MCAM: variants seen among roughly 807,000 people sequenced by gnomAD.
The protein encoded by MCAM is melanoma cell adhesion molecule, also known as cell surface glycoprotein MUC18.
A neutral mutation model predicts 79.1 loss-of-function variants in MCAM; 55 were observed. The ratio of observed to expected loss-of-function variants is 0.70; its 90% CI spans 0.56 to 0.87. MCAM has a LOEUF of 0.87. Among genes scored for constraint, MCAM ranks in the 40% least tolerant of loss-of-function variants. The pLI, the probability that MCAM is intolerant of heterozygous loss-of-function variation, is 0.00. For synonymous variants in MCAM, 330 were observed against 339.8 expected, an observed-to-expected ratio of 0.97 and a Z score of 0.32; for missense variants, 745 against 839.8, an observed-to-expected ratio of 0.89 and a Z score of 1.40.
chr11:119,312,869 T>C lies in MCAM; in HGVS notation c.640A>G (p.Lys214Glu). The C allele has an allele frequency of 1.2e-6, 2 of 1,614,220 alleles. No homozygotes were observed. Among genetic ancestry groups the C allele is most frequent in the East Asian group, 2.2e-5 (1 of 44,876 alleles). ...TAAAACTGGGCATCTTTGTCTTCTT[T>C]AACCAGCTGTGCCTTCAGAATACTC... is the stretch of plus-strand genomic sequence containing the variant. ...LQSILKAQLV[K>E]EDKDAQFYCE... The change falls in exon 6 of 16, where the codon AAA (lysine) becomes GAA (glutamate). Residue 214 changes from lysine (K) to glutamate (E), a missense_variant. By Grantham distance (56) the Lys-to-Glu change is moderately conservative (BLOSUM62 1). Transcript: ENST00000264036. This position sits in a 1 kb window ranked among gnomAD's most constrained non-coding sequence, Gnocchi z 4.9.
chr11:119,314,853 C>A lies in MCAM; in HGVS notation c.380G>T (p.Arg127Leu), dbSNP rs147390678. The A allele has an allele frequency of 6.2e-6, 10 of 1,613,552 alleles. No individual in the cohort carries two copies. Among genetic ancestry groups the A allele is most frequent in the Non-Finnish European group, 6.8e-6 (8 of 1,180,016 alleles). The change falls in exon 3 of 16, where the codon CGC (arginine) becomes CTC (leucine). Residue 127 changes from arginine (R) to leucine (L), a missense_variant. Physicochemically the swap from Arg to Leu is moderately radical, Grantham distance 102. Coordinates refer to ENST00000264036, the MANE Select transcript of MCAM (RefSeq NM_006500.3). ...QGKRPRSQEY[R>L]IQLRVYKAPE... ...CGCACTGTAGACGCGGAGCTGGATG[C>A]GGTACTCCTGGGACCGAGGGCGCTT... is the stretch of plus-strand genomic sequence containing the variant.
chr11:119,309,982 GA>G, intron 15 of MCAM, 67 bp from the exon 16 acceptor site: 1 of 1,307,814 alleles, frequency 7.6e-7, no homozygotes, highest in Non-Finnish European at 1.1e-6. Flanking sequence ...TGAGCACCGA[GA>G]GGAAGGAGAG....
Position 119,311,429 on chromosome 11 carries a change from G to T in MCAM, c.1408-8C>A. ...TTGGTCTTGTTCACTTGCCTGCGAG[G>T]AAAGGAAGGAGGCAGCTCAGGGGAT... On this transcript the variant is annotated splice_region_variant and splice_polypyrimidine_tract_variant and intron_variant, in intron 11 of 15. Transcript: ENST00000264036. This position sits in a 1 kb window ranked among gnomAD's most constrained non-coding sequence, Gnocchi z 4.4. 6.2e-7 allele frequency: 1 copy of T among 1,614,056 alleles called. No individual in the cohort carries two copies. The highest frequency in any genetic ancestry group is 1.3e-5 in the African/African-American group (1 of 75,030).
chr11:119,317,096 C>A lies in MCAM; in HGVS notation c.6G>T (p.Gly2=). Residue 2 remains glycine, a synonymous_variant, in exon 1 of 16, where the codon GGG becomes GGT. Coordinates refer to ENST00000264036, the MANE Select transcript of MCAM (RefSeq NM_006500.3). This position sits in a 1 kb window ranked among gnomAD's most constrained non-coding sequence, Gnocchi z 6.2. M[G]LPRLVCAFLL... Reference sequence around the variant, plus strand: ...AGAAGGCGCAGACCAGCCTGGGAAGCCCCATGCTTCCCGGCCGGAGGGCGA... The same window carrying A: ...AGAAGGCGCAGACCAGCCTGGGAAGACCCATGCTTCCCGGCCGGAGGGCGA... 6.5e-7 allele frequency: 1 copy of A among 1,527,418 alleles called. No individual in the cohort carries two copies. Among genetic ancestry groups the A allele is most frequent in the East Asian group, 2.6e-5 (1 of 39,112 alleles). 94.6% of individuals were successfully genotyped at this position (1,527,418 alleles called of 1,614,324 possible).
intron 15 of MCAM, 170 bp downstream of exon 15, chr11:119,310,179 C>T (rs1439541432): frequency 4.6e-6 from 3 of 649,766 alleles, no homozygotes; most frequent in Non-Finnish European, 8.1e-6. Flanking sequence ...CTCCAAGCTC[C>T]CTCAGCCACT....
At position 119,311,262 on chromosome 11, in the gene MCAM, C is replaced by A; in HGVS notation, c.1549+18G>T. 2 of 1,614,020 alleles carry A rather than the reference C, an allele frequency of 1.2e-6. No homozygotes were observed. Among genetic ancestry groups the A allele is most frequent in the Non-Finnish European group, 1.7e-6 (2 of 1,179,876 alleles). On this transcript the variant is annotated intron_variant, in intron 12 of 15. Transcript: ENST00000264036. This position sits in a 1 kb window ranked among gnomAD's most constrained non-coding sequence, Gnocchi z 4.4. ...CTGGGCCTGCCCCTGCCATCCCCTG[C>A]AGGGATGCAGCCCTCACCCAGCTCC...
In MCAM at chr11:119,311,090, C is replaced by A. The variant is rs1196861345; in HGVS notation, c.1645G>T (p.Glu549Ter). The change falls in exon 13 of 16, where the codon GAG (glutamate) becomes TAG (stop). Residue 549 changes from glutamate (E) to a stop codon, truncating the protein, a stop_gained and splice_region_variant. Coordinates refer to ENST00000264036, the MANE Select transcript of MCAM (RefSeq NM_006500.3). LOFTEE classifies it high-confidence loss of function. The surrounding 1 kb of genome is among the most constrained non-coding windows in gnomAD (Gnocchi z 4.4). ...TGTTCTCTTGCCAGGCCTGGCTTAC[C>A]TGTGGAGGTGCTGTTGGCTCTGGTA... ...PHTRANSTSTERKLPEPESRG... is the reference protein window; with the variant it reads ...PHTRANSTST The A allele has an allele frequency of 1.2e-6, 2 of 1,614,114 alleles. No individual in the cohort carries two copies. The highest frequency in any genetic ancestry group is 1.7e-6 in the Non-Finnish European group (2 of 1,180,052).
rs537622832 is a variant in MCAM at position 119,314,962 on chromosome 11, G to C, written c.271C>G (p.Arg91Gly). 2.5e-5 allele frequency: 41 copies of C among 1,612,088 alleles called. No individual in the cohort carries two copies. The South Asian group carries it at 4.4e-4, about 17-fold the overall frequency. The change falls in exon 3 of 16, where the codon CGG (arginine) becomes GGG (glycine). Residue 91 changes from arginine (R) to glycine (G), a missense_variant. By Grantham distance (125) the Arg-to-Gly change is moderately radical. Coordinates refer to ENST00000264036, the MANE Select transcript of MCAM (RefSeq NM_006500.3). Reference protein sequence around the residue: ...GQSEPGEYEQRLSLQDRGATL... With the variant: ...GQSEPGEYEQGLSLQDRGATL... ...GCCCCTCTGTCCTGGAGGCTGAGCC[G>C]CTGCTCGTACTCCCCAGGTTCGCTC...
At position 119,309,624 on chromosome 11, in the gene MCAM, C is replaced by A; in HGVS notation, c.*262G>T. 1.8e-6 allele frequency: 1 copy of A among 541,900 alleles called. No homozygotes were observed. The allele number at this position is 541,900 out of a possible 1,614,324, so 33.6% of individuals were successfully genotyped here. On this transcript the variant is annotated 3_prime_UTR_variant, in exon 16 of 16. Transcript: ENST00000264036. ...ACGTTCTGCAAGAAACTCTCCTACC[C>A]GCTCGGGAGACTGGGGCTCCTTGCT...
intron 5 of MCAM, chr11:119,313,227 G>A: frequency 1.4e-6 from 2 of 1,422,872 alleles, no homozygotes; most frequent in East Asian, 3.4e-5. Context: ...CACTAAATGG[G>A]GAATGGTGAA....
At chr11:119,309,938 AGG>A in intron 15 of MCAM, 23 bp from the exon 16 acceptor site, 1 of 1,595,340 alleles carries the variant, frequency 6.3e-7, no homozygotes, top group Non-Finnish European at 8.6e-7. Flanking sequence ...AGAGGAGAAG[AGG>A]GGAACACGGA....
intron 5 of MCAM, 45 bp downstream of exon 5, chr11:119,314,444 C>A (rs751403634): frequency 1.3e-6 from 2 of 1,537,180 alleles, no homozygotes; most frequent in Non-Finnish European, 9.0e-7. Flanking sequence ...GTGTGAGCTA[C>A]CACACCTGGC....
In MCAM at chr11:119,314,201, G is replaced by A. The variant is rs1591286443; in HGVS notation, c.559+288C>T. On this transcript the variant is annotated intron_variant, in intron 5 of 15. Coordinates refer to ENST00000264036, the MANE Select transcript of MCAM (RefSeq NM_006500.3). ...GATGGGGTCTCGCTCTGTCACCCAG[G>A]CCGGAGTGTGGTGGTGCAATCCTAG... is the stretch of plus-strand genomic sequence containing the variant. 2.4e-5 allele frequency: 11 copies of A among 468,018 alleles called. No individual in the cohort carries two copies. In the East Asian group the frequency reaches 5.1e-4, roughly 22 times the overall value. The allele number at this position is 468,018 out of a possible 1,614,324, so 29.0% of individuals were successfully genotyped here.
Position 119,310,411 on chromosome 11 carries a change from G to A in MCAM, c.1849C>T (p.Leu617Phe). 6.2e-7 allele frequency: 1 copy of A among 1,614,120 alleles called. No individual in the cohort carries two copies. The change falls in exon 15 of 16, where the codon CTC becomes TTC. Residue 617 changes from leucine to phenylalanine, a missense_variant. Leu to Phe is a conservative substitution (Grantham distance 22). Coordinates refer to ENST00000264036, the MANE Select transcript of MCAM (RefSeq NM_006500.3). ...TGCAGGAGGCCCATCTCTTCTGGGA[G>A]CTTATCTGACTTAACTTCAACTACA... is the stretch of plus-strand genomic sequence containing the variant. ...ELVVEVKSDK[L>F]PEEMGLLQGS...
chr11:119,314,620 T>C (rs765704171), intron 4 of MCAM, 44 bp from the exon 5 acceptor site: 5 of 1,611,650 alleles, frequency 3.1e-6, no homozygotes, highest in Middle Eastern at 1.7e-4. Flanking sequence ...CGAGCCCCCT[T>C]CAAGCCCCAT....
In MCAM at chr11:119,315,326, TCGCAG is replaced by T; in HGVS notation, c.68-68_68-64del. 1 of 1,546,798 alleles carries T rather than the reference TCGCAG, an allele frequency of 6.5e-7. No individual in the cohort carries two copies. The highest frequency in any genetic ancestry group is 8.7e-7 in the Non-Finnish European group (1 of 1,150,112). The stretch of plus-strand genomic sequence containing the variant: ...CTCCGGCTGCTGTCCGCCCCTCCCC[TCGCAG>T]CGCTGCTGCAGCTGTTTTTCCTGCC... On this transcript the variant is annotated intron_variant, in intron 1 of 15. Coordinates refer to ENST00000264036, the MANE Select transcript of MCAM (RefSeq NM_006500.3). The surrounding 1 kb of genome is among the most constrained non-coding windows in gnomAD (Gnocchi z 4.4).
Position 119,310,158 on chromosome 11 carries a change from TC to T in MCAM, c.1911+190del. 6.4e-6 allele frequency: 4 copies of T among 627,864 alleles called. No homozygotes were observed. The East Asian group carries it at 1.1e-4, about 17-fold the overall frequency. The allele number at this position is 627,864 out of a possible 1,614,324, so 38.9% of individuals were successfully genotyped here. On this transcript the variant is annotated intron_variant, in intron 15 of 15. Transcript: ENST00000264036. ...GGAAAAGGTGATGGGACAGGGTCTT[TC>T]TCAGTCTTCCTCCAAGCTCCCTCAG... is the stretch of plus-strand genomic sequence containing the variant.
At position 119,313,376 on chromosome 11, in the gene MCAM, G is replaced by C. The variant is rs1046644280; in HGVS notation, c.560-427C>G. The C allele has an allele frequency of 5.8e-6, 7 of 1,212,696 alleles. No homozygotes were observed. In the African/African-American group the frequency reaches 1.1e-4, roughly 19 times the overall value. 75.1% of individuals were successfully genotyped at this position (1,212,696 alleles called of 1,614,324 possible). A position where few individuals can be genotyped will look rare whatever the true frequency, so the allele number is the denominator to read the frequency against. ...ACCATACACCACCACTTAGACCAGG[G>C]TTTCTCAGCACTACTGATAATTTTT... On this transcript the variant is annotated intron_variant, in intron 5 of 15. Coordinates refer to ENST00000264036, the MANE Select transcript of MCAM (RefSeq NM_006500.3).
chr11:119,309,853 C>T lies in MCAM; in HGVS notation c.*33G>A. On this transcript the variant is annotated 3_prime_UTR_variant, in exon 16 of 16. Transcript: ENST00000264036. ...GAGTGAGCAGGGAGCTGGGAATGGT[C>T]CAGGCAGGGAAGGGAGCTGAAGTGA... 1 of 1,587,014 alleles carries T rather than the reference C, an allele frequency of 6.3e-7. No individual in the cohort carries two copies. The highest frequency in any genetic ancestry group is 8.6e-7 in the Non-Finnish European group (1 of 1,164,138).
Sources: allele counts gnomAD v4.1 joint callset, GRCh38; gene constraint gnomAD v4.1.1; non-coding constraint Gnocchi (gnomAD v3.1); transcripts MANE v1.5; gene names NCBI Gene and HGNC (gene_info 2026-07-23, HGNC 2026-07-21).